GRM5: variants seen among roughly 807,000 people sequenced by gnomAD.
GRM5 encodes metabotropic glutamate receptor 5.
GRM5 carries 19 observed loss-of-function variants against 83.1 expected under a neutral mutation model. The ratio of observed to expected loss-of-function variants is 0.23; its 90% CI spans 0.16 to 0.34. The LOEUF is 0.34. Ranked by LOEUF, GRM5 falls within the 10% of genes least tolerant of loss-of-function variation. GRM5 has a pLI of 1.00. For synonymous variants in GRM5, 675 were observed against 633.6 expected, an observed-to-expected ratio of 1.07 and a Z score of -0.98; for missense variants, 1,160 against 1,588.3, an observed-to-expected ratio of 0.73 and a Z score of 4.58.
At chr11:89,037,090 T>C (rs1941407288) in intron 2 of GRM5, among the ~76,000 whole-genome samples, 1 of 152,132 alleles carries the variant, frequency 6.6e-6, no homozygotes, top group Non-Finnish European at 1.5e-5. Flanking sequence ...GCACTATGAC[T>C]TGTTTATATA....
intron 3 of GRM5, among the ~76,000 whole-genome samples, chr11:88,729,362 C>T (rs543671671): frequency 2.1e-5 from 3 of 141,694 alleles, no homozygotes; most frequent in African/African-American, 7.8e-5. Context: ...AACCACTGCC[C>T]AAAAAAAAAA....
chr11:88,988,574 TG>T (rs1449139820), intron 2 of GRM5, among the ~76,000 whole-genome samples: 1 of 150,194 alleles, frequency 6.7e-6, no homozygotes, highest in Middle Eastern at 3.2e-3. Flanking sequence ...TCACCAAAGT[TG>T]AAATGAAGGA....
intron 2 of GRM5, among the ~76,000 whole-genome samples, chr11:88,934,965 C>T (rs1389685577): frequency 1.3e-5 from 2 of 151,852 alleles, no homozygotes; most frequent in South Asian, 2.1e-4. Context: ...CAAATTAATA[C>T]CTGTCAATTG....
intron 2 of GRM5, among the ~76,000 whole-genome samples, chr11:88,953,614 A>T (rs1383150531): frequency 6.6e-6 from 1 of 152,232 alleles, no homozygotes; most frequent in African/African-American, 2.4e-5. Flanking sequence ...GCACTACCAC[A>T]GTGCTCCATG....
chr11:88,535,887 T>C (rs1409724712), intron 8 of GRM5, among the ~76,000 whole-genome samples: 1 of 152,234 alleles, frequency 6.6e-6, no homozygotes, highest in Non-Finnish European at 1.5e-5. Flanking sequence ...GTATGTACCA[T>C]TTATATAAAA....
At chr11:88,704,123 T>C (rs1338017029) in intron 3 of GRM5, among the ~76,000 whole-genome samples, 1 of 152,014 alleles carries the variant, frequency 6.6e-6, no homozygotes, top group Non-Finnish European at 1.5e-5. Context: ...CTCTTTCTCT[T>C]TCTATAAGGG....
intron 3 of GRM5, among the ~76,000 whole-genome samples, chr11:88,806,910 T>A (rs1943508356): frequency 1.3e-5 from 2 of 152,220 alleles, no homozygotes; most frequent in African/African-American, 4.8e-5. Context: ...AAGATATTGC[T>A]TAAATTTTAA....
chr11:89,016,702 T>C (rs1591050730), intron 2 of GRM5, among the ~76,000 whole-genome samples: 1 of 152,160 alleles, frequency 6.6e-6, no homozygotes, highest in African/African-American at 2.4e-5. Context: ...CACATCTGGG[T>C]GTACTTTAGT....
intron 2 of GRM5, among the ~76,000 whole-genome samples, chr11:88,892,177 A>G (rs1268966518): frequency 6.7e-6 from 1 of 148,616 alleles, no homozygotes; most frequent in African/African-American, 2.5e-5. Context: ...TTTTTTTTCA[A>G]TAAGACACAA....
chr11:88,845,000 G>C (rs1452544174), intron 3 of GRM5, among the ~76,000 whole-genome samples: 1 of 152,196 alleles, frequency 6.6e-6, no homozygotes, highest in African/African-American at 2.4e-5. Flanking sequence ...TGACAACAAA[G>C]AATTTAGAAT....
chr11:88,689,102 T>A (rs1338416890), intron 3 of GRM5, among the ~76,000 whole-genome samples: 2 of 152,126 alleles, frequency 1.3e-5, no homozygotes, highest in Non-Finnish European at 2.9e-5. Flanking sequence ...TACTAGATAC[T>A]GCTAACTGTG....
In GRM5 at chr11:88,640,382, T is replaced by C. The variant is rs375421027; in HGVS notation, c.1147+12786A>G. The stretch of plus-strand genomic sequence containing the variant: ...GAGTTCTGAGAGTAAAAACTTGAAC[T>C]CTACTTTTTCTATTCTCTCACTCAA... On this transcript the variant is annotated intron_variant, in intron 4 of 9. Coordinates refer to ENST00000305447, the MANE Select transcript of GRM5 (RefSeq NM_001143831.3). Among the ~76,000 whole-genome samples, 37 of 152,296 alleles carry C rather than the reference T, an allele frequency of 2.4e-4. 1 individual carries two copies. In the East Asian group the frequency reaches 6.6e-3, roughly 27 times the overall value.
chr11:88,610,761 T>C (rs1022934109), intron 4 of GRM5, among the ~76,000 whole-genome samples: 1 of 152,190 alleles, frequency 6.6e-6, no homozygotes, highest in African/African-American at 2.4e-5. Context: ...CTACATTGAA[T>C]ACAAATGAAG....
chr11:88,977,401 CG>C (rs1208150320), intron 2 of GRM5, among the ~76,000 whole-genome samples: 5 of 151,848 alleles, frequency 3.3e-5, no homozygotes, highest in Non-Finnish European at 7.4e-5. Flanking sequence ...TTAGTAGAGA[CG>C]GGGTTTCACA....
In GRM5 at chr11:88,567,596, A is replaced by G; in HGVS notation, c.2087T>C (p.Ile696Thr). The G allele has an allele frequency of 6.2e-7, 1 of 1,614,158 alleles. No homozygotes were observed. Among genetic ancestry groups the G allele is most frequent in the Non-Finnish European group, 8.5e-7 (1 of 1,179,996 alleles). ...CTGGATGCATATGAGAATGAAAGCA[A>G]TCACTAGCTGGGCACAGGCACTCAT... The part of the protein sequence containing the change: ...RFMSACAQLV[I>T]AFILICIQLG... The change falls in exon 8 of 10, where the codon ATT (isoleucine) becomes ACT (threonine). Residue 696 changes from isoleucine (I) to threonine (T), a missense_variant. By Grantham distance (89) the Ile-to-Thr change is moderately conservative (BLOSUM62 -1). Around this residue, in one of 9 missense-constraint regions of GRM5, gnomAD observed 132 missense variants for 245.5 expected, o/e 0.54. Transcript: ENST00000305447. The surrounding 1 kb of genome is among the most constrained non-coding windows in gnomAD (Gnocchi z 7.3).
intron 3 of GRM5, among the ~76,000 whole-genome samples, chr11:88,729,291 A>G (rs909090334): frequency 1.3e-5 from 2 of 152,118 alleles, no homozygotes; most frequent in Non-Finnish European, 2.9e-5. Flanking sequence ...TACAAAGAGA[A>G]TAAAATACCT....
chr11:89,024,590 G>A (rs1466385350), intron 2 of GRM5, among the ~76,000 whole-genome samples: 2 of 152,162 alleles, frequency 1.3e-5, no homozygotes, highest in East Asian at 3.9e-4. Context: ...CACCTCTTTA[G>A]CTCAAAGATC....
chr11:88,981,332 A>T (rs1316452806), intron 2 of GRM5, among the ~76,000 whole-genome samples: 1 of 152,202 alleles, frequency 6.6e-6, no homozygotes, highest in Non-Finnish European at 1.5e-5. Context: ...CATATATTCA[A>T]TGAAACATCA....
chr11:88,912,318 G>T (rs1686111631), intron 2 of GRM5, among the ~76,000 whole-genome samples: 1 of 151,316 alleles, frequency 6.6e-6, no homozygotes, highest in African/African-American at 2.4e-5. Flanking sequence ...TTTCTTAAAG[G>T]GGCTGACTTA....
Sources: gnomAD v4.1 joint callset for allele counts (sites outside exome capture counted in the v4.1 genomes callset) on GRCh38, gnomAD v4.1.1 for gene constraint, gnomAD v4.1.1 regional missense constraint, Gnocchi (gnomAD v3.1) non-coding constraint, MANE v1.5 for transcripts, NCBI Gene and HGNC (gene_info 2026-07-23, HGNC 2026-07-21) for gene names.